PCDHGA11: variants seen among roughly 807,000 people sequenced by gnomAD.
The protein encoded by PCDHGA11 is protocadherin gamma subfamily A, 11, also known as protocadherin gamma-A11.
A neutral mutation model predicts 60.4 loss-of-function variants in PCDHGA11; 39 were observed. The observed-to-expected ratio is 0.65, with a 90% CI of 0.50 to 0.84. PCDHGA11 has a LOEUF of 0.84. Ranked by LOEUF, PCDHGA11 falls within the 40% of genes least tolerant of loss-of-function variation. The pLI, the probability that PCDHGA11 is intolerant of heterozygous loss-of-function variation, is 0.00. For missense variants in PCDHGA11, 1,165 were observed against 1,197.7 expected, an observed-to-expected ratio of 0.97 and a Z score of 0.40; for synonymous variants, 533 against 510.3, an observed-to-expected ratio of 1.04 and a Z score of -0.60.
chr5:141,446,279 G>A (rs1326701686), intron 1 of PCDHGA11, among the ~76,000 whole-genome samples: 1 of 152,096 alleles, frequency 6.6e-6, no homozygotes, highest in African/African-American at 2.4e-5. Context: ...AAATACAATG[G>A]ATAAATGGGG....
intron 1 of PCDHGA11, among the ~76,000 whole-genome samples, chr5:141,437,987 C>T (rs2097922147): frequency 1.3e-5 from 2 of 152,156 alleles, no homozygotes; most frequent in African/African-American, 2.4e-5. Flanking sequence ...GCACCCACCC[C>T]ACCTCAGCCT....
chr5:141,437,444 G>A (rs957088733), intron 1 of PCDHGA11, among the ~76,000 whole-genome samples: 26 of 152,212 alleles, frequency 1.7e-4, no homozygotes, highest in Admixed American at 2.0e-4. Context: ...GCATAGGAAT[G>A]TTGAGGAGAC....
chr5:141,451,001 A>T (rs909477017), intron 1 of PCDHGA11, among the ~76,000 whole-genome samples: 2 of 148,266 alleles, frequency 1.3e-5, no homozygotes, highest in Middle Eastern at 3.4e-3. Context: ...ATTTTTTTGT[A>T]TTTTTTTTAG....
At chr5:141,470,428 T>A (rs974038419) in intron 1 of PCDHGA11, among the ~76,000 whole-genome samples, 1 of 152,254 alleles carries the variant, frequency 6.6e-6, no homozygotes, top group Non-Finnish European at 1.5e-5. Flanking sequence ...TTTTTCCTTG[T>A]GTGCAATAAT....
At chr5:141,427,008 C>G (rs762510673) in intron 1 of PCDHGA11, 145 of 456,786 alleles carry the variant, frequency 3.2e-4, no homozygotes, top group African/African-American at 2.8e-3. Context: ...AGTTTTTAGC[C>G]AGGATGTATA....
At position 141,476,503 on chromosome 5, in the gene PCDHGA11, C is replaced by T. The variant is rs1259213742; in HGVS notation, c.2434-18304C>T. 2 of 1,614,138 alleles carry T rather than the reference C, an allele frequency of 1.2e-6. No individual in the cohort carries two copies. ...TGGAAGTGGTGATCCAGGACATCAA[C>T]GACAACAATCCTGCTTTCCCTACCC... On this transcript the variant is annotated intron_variant, in intron 1 of 3. Transcript: ENST00000398587. The surrounding 1 kb of genome is among the most constrained non-coding windows in gnomAD (Gnocchi z 7.6).
Position 141,505,473 on chromosome 5 carries a change from C to T in PCDHGA11, c.2573C>T (p.Ser858Phe). The change falls in exon 3 of 4, where the codon TCC (serine) becomes TTC (phenylalanine). Residue 858 changes from serine to phenylalanine, a missense_variant. Transcript: ENST00000398587. Reference sequence around the variant, plus strand: ...ATGCTGCAAGCCATGATCTTGGCGTCCGCCAGTGGTAAGTGGTGTCAGTGT... The same window carrying T: ...ATGCTGCAAGCCATGATCTTGGCGTTCGCCAGTGGTAAGTGGTGTCAGTGT... ...TEMLQAMILA[S>F]ASEAADGSST... is the part of the protein sequence containing the mutation. The T allele has an allele frequency of 6.2e-7, 1 of 1,614,188 alleles. No homozygotes were observed. Among genetic ancestry groups the T allele is most frequent in the Non-Finnish European group, 8.5e-7 (1 of 1,180,014 alleles).
chr5:141,443,163 T>C (rs1054542792), intron 1 of PCDHGA11, among the ~76,000 whole-genome samples: 3 of 152,172 alleles, frequency 2.0e-5, no homozygotes, highest in Non-Finnish European at 4.4e-5. Context: ...TTTATTTCCC[T>C]ACCCATGTCC....
chr5:141,423,699 T>C, intron 1 of PCDHGA11, 39 bp downstream of exon 1: 1 of 1,469,146 alleles, frequency 6.8e-7, no homozygotes, highest in East Asian at 2.5e-5. Context: ...GTTGGTGTCT[T>C]GGCACAAGTC....
At chr5:141,430,842 G>A (rs935750449) in intron 1 of PCDHGA11, 4 of 1,567,068 alleles carry the variant, frequency 2.6e-6, no homozygotes, top group Non-Finnish European at 3.4e-6. Flanking sequence ...GAGACCGGAT[G>A]CACCCAGATA....
At position 141,486,811 on chromosome 5, in the gene PCDHGA11, C is replaced by A. The variant is rs2099635196; in HGVS notation, c.2434-7996C>A. On this transcript the variant is annotated intron_variant, in intron 1 of 3. Coordinates refer to ENST00000398587, the MANE Select transcript of PCDHGA11 (RefSeq NM_018914.3). The surrounding 1 kb of genome is among the most constrained non-coding windows in gnomAD (Gnocchi z 5.0). ...GGGATCGGGGCAACCCACCCCTTAG[C>A]AGCACTGTAACAGTTCGTCTATTTG... The A allele has an allele frequency of 1.2e-6, 2 of 1,614,124 alleles. No homozygotes were observed. The highest frequency in any genetic ancestry group is 2.2e-5 in the East Asian group (1 of 44,900).
intron 2 of PCDHGA11, among the ~76,000 whole-genome samples, chr5:141,497,706 A>G (rs2099778850): frequency 6.6e-6 from 1 of 151,956 alleles, no homozygotes; most frequent in Middle Eastern, 3.2e-3. Flanking sequence ...CACCCAGCTC[A>G]TTTTTGTATT....
At chr5:141,474,847 GC>G (rs1357496937) in intron 1 of PCDHGA11, among the ~76,000 whole-genome samples, 1 of 152,198 alleles carries the variant, frequency 6.6e-6, no homozygotes, top group East Asian at 1.9e-4. Context: ...CACTTTACCT[GC>G]CTTCTTCATT....
intron 1 of PCDHGA11, among the ~76,000 whole-genome samples, chr5:141,464,404 T>G (rs1224596546): frequency 6.6e-6 from 1 of 151,532 alleles, no homozygotes; most frequent in African/African-American, 2.4e-5. Flanking sequence ...GAACCTGAGA[T>G]ATATATATAT....
intron 3 of PCDHGA11, chr5:141,507,089 C>T (rs564539147): frequency 2.0e-5 from 3 of 152,298 alleles, no homozygotes; most frequent in Admixed American, 1.3e-4. Context: ...TAAGTTTATG[C>T]TCTTTCTACT....
intron 2 of PCDHGA11, among the ~76,000 whole-genome samples, chr5:141,495,223 G>T (rs924599140): frequency 6.6e-6 from 1 of 152,208 alleles, no homozygotes; most frequent in South Asian, 2.1e-4. Flanking sequence ...CCTGAGTTGA[G>T]CTGGGCTCCA....
chr5:141,509,572 G>T (rs955898202), intron 3 of PCDHGA11, among the ~76,000 whole-genome samples: 24 of 152,300 alleles, frequency 1.6e-4, no homozygotes, highest in Middle Eastern at 3.4e-3. Context: ...CCTTCACAGT[G>T]CGTACAAATC....
intron 1 of PCDHGA11, chr5:141,441,758 C>T: frequency 2.6e-6 from 1 of 382,050 alleles, no homozygotes. Context: ...TCAACGTGAG[C>T]CTGCGCGTGT....
Position 141,489,880 on chromosome 5 carries a change from G to A in PCDHGA11, c.2434-4927G>A. On this transcript the variant is annotated intron_variant, in intron 1 of 3. Transcript: ENST00000398587. The surrounding 1 kb of genome is among the most constrained non-coding windows in gnomAD (Gnocchi z 4.5). Reference sequence around the variant, plus strand: ...GGCAAGACATCAGCTGGTGCTTACTGCTGTGGATGGGGGGACCCCAGCCCG... The same window carrying A: ...GGCAAGACATCAGCTGGTGCTTACTACTGTGGATGGGGGGACCCCAGCCCG... 2 of 1,614,230 alleles carry A rather than the reference G, an allele frequency of 1.2e-6. No individual in the cohort carries two copies. The highest frequency in any genetic ancestry group is 1.7e-6 in the Non-Finnish European group (2 of 1,180,026).
Sources: gnomAD v4.1 joint callset for allele counts (sites outside exome capture counted in the v4.1 genomes callset) on GRCh38, gnomAD v4.1.1 for gene constraint, Gnocchi (gnomAD v3.1) non-coding constraint, MANE v1.5 for transcripts, NCBI Gene and HGNC (gene_info 2026-07-23, HGNC 2026-07-21) for gene names.